F8: variants seen among roughly 807,000 people sequenced by gnomAD.
The protein encoded by F8 is coagulation factor VIII, also known as antihemophilic factor.
A neutral mutation model predicts 140.6 loss-of-function variants in F8; 12 were observed. The ratio of observed to expected loss-of-function variants is 0.09; its 90% confidence interval spans 0.05 to 0.14. The LOEUF is 0.14. F8 is among the 10% of genes least tolerant of loss of function. F8 has a pLI of 1.00. For synonymous variants in F8, 585 were observed against 614.6 expected, an observed-to-expected ratio of 0.95 and a Z score of 0.71; for missense variants, 1,354 against 1,720.7, an observed-to-expected ratio of 0.79 and a Z score of 3.77.
chrX:155,003,900 G>A (rs1327870077), intron 1 of F8, among the ~76,000 whole-genome samples: 1 of 102,847 alleles, frequency 9.7e-6, no homozygotes, highest in Non-Finnish European at 2.0e-5. Flanking sequence ...GGTGGAGCTT[G>A]CAGTGAGCCG....
intron 6 of F8, among the ~76,000 whole-genome samples, chrX:154,974,329 T>G (rs1317262429): frequency 8.9e-6 from 1 of 112,166 alleles, no homozygotes; most frequent in Non-Finnish European, 1.9e-5. Context: ...TATACTTTGT[T>G]GAGAGTTTTT....
Position 154,837,208 on chromosome X carries a change from C to G in F8, c.*389G>C, listed in dbSNP as rs1228966592. On this transcript the variant is annotated 3_prime_UTR_variant, in exon 26 of 26. Transcript: ENST00000360256. ...TTATTTTAAACGTATGAGGCTTAAC[C>G]TGAAATGTTAACATCATAAATATCT... is the stretch of plus-strand genomic sequence containing the variant. The G allele has an allele frequency of 5.0e-6, 1 of 201,645 alleles. No individual in the cohort carries two copies. The highest frequency in any genetic ancestry group is 9.2e-6 in the Non-Finnish European group (1 of 108,806). The allele number at this position is 201,645 out of a possible 1,213,427, so 16.6% of individuals were successfully genotyped here. A position where few individuals can be genotyped will look rare whatever the true frequency, so the allele number is the denominator to read the frequency against.
At chrX:154,861,215 C>T (rs1471889271) in intron 24 of F8, among the ~76,000 whole-genome samples, 4 of 110,896 alleles carry the variant, frequency 3.6e-5, no homozygotes, top group African/African-American at 1.3e-4. Flanking sequence ...GTGATCGGCC[C>T]GCCTCAGCCT....
intron 12 of F8, among the ~76,000 whole-genome samples, chrX:154,948,300 T>C (rs1557280477): frequency 9.0e-6 from 1 of 111,705 alleles, no homozygotes; most frequent in African/African-American, 3.3e-5. Flanking sequence ...ACTAGATCCC[T>C]GTACTTCAAA....
intron 6 of F8, among the ~76,000 whole-genome samples, chrX:154,976,049 C>T (rs781878863): frequency 8.1e-5 from 9 of 111,081 alleles, no homozygotes; most frequent in East Asian, 5.6e-4. Flanking sequence ...GCGCCTGCCA[C>T]CATGCTTGGT....
Position 154,979,021 on chromosome X carries a change from T to TA in F8, c.787+5665_787+5666insT, listed in dbSNP as rs782074832. The stretch of plus-strand genomic sequence containing the variant: ...GTCTTTGGTGTACCATGGTGGCATA[T>TA]GATTGCACTGGTTTTAGGTCCAGGC... On this transcript the variant is annotated intron_variant, in intron 6 of 25. Transcript: ENST00000360256. 1.3e-4 allele frequency among the ~76,000 whole-genome samples: 14 copies of TA among 111,406 alleles called. No individual in the cohort carries two copies. In the East Asian group the frequency reaches 3.1e-3, roughly 25 times the overall value.
At position 154,945,139 on chromosome X, in the gene F8, T is replaced by C. The variant is rs1414876259; in HGVS notation, c.2113+2559A>G. On this transcript the variant is annotated intron_variant, in intron 13 of 25. Coordinates refer to ENST00000360256, the MANE Select transcript of F8 (RefSeq NM_000132.4). ...ACATATGTAACTAACCTGCACATTG[T>C]GCACATGTACCCTAAAACTTAATGT... is the stretch of plus-strand genomic sequence containing the variant. 3.6e-5 allele frequency among the ~76,000 whole-genome samples: 4 copies of C among 110,243 alleles called. No individual in the cohort carries two copies. In the East Asian group the frequency reaches 8.5e-4, roughly 23 times the overall value.
chrX:154,948,052 T>C (rs1221656085), intron 12 of F8, 145 bp from the exon 13 acceptor site: 1 of 528,321 alleles, frequency 1.9e-6, no homozygotes, highest in East Asian at 3.6e-5. Context: ...TCCAAAAAAG[T>C]AGATTGTTAA....
At chrX:155,011,437 C>T (rs868995432) in intron 1 of F8, among the ~76,000 whole-genome samples, 13 of 112,578 alleles carry the variant, frequency 1.2e-4, no homozygotes, top group Middle Eastern at 4.6e-3. Flanking sequence ...AAAATTGGAA[C>T]ACTCATACTT....
chrX:154,915,560 T>TA (rs1279395757), intron 14 of F8, among the ~76,000 whole-genome samples: 7 of 111,824 alleles, frequency 6.3e-5, no homozygotes, highest in Non-Finnish European at 1.1e-4. Flanking sequence ...TGTTCCTAGA[T>TA]ATTTATTTTT....
intron 13 of F8, among the ~76,000 whole-genome samples, chrX:154,932,949 A>G (rs1391055725): frequency 9.0e-6 from 1 of 111,376 alleles, no homozygotes; most frequent in Non-Finnish European, 1.9e-5. Flanking sequence ...TATAAGAAAA[A>G]CAGGGAAACA....
At chrX:154,862,707 G>A (rs1326338524) in intron 23 of F8, among the ~76,000 whole-genome samples, 1 of 112,032 alleles carries the variant, frequency 8.9e-6, no homozygotes, top group Admixed American at 9.5e-5. Context: ...TGCTGAAAAG[G>A]ACATGATCTC....
At chrX:154,966,385 G>A (rs1557281989) in intron 8 of F8, 41 bp downstream of exon 8, 1 of 1,202,280 alleles carries the variant, frequency 8.3e-7, no homozygotes, top group South Asian at 1.8e-5. Flanking sequence ...AACTTTTTGA[G>A]TATGGGGAAG....
At chrX:154,911,761 GTT>G (rs2073069498) in intron 14 of F8, among the ~76,000 whole-genome samples, 1 of 111,714 alleles carries the variant, frequency 9.0e-6, no homozygotes, top group Admixed American at 9.4e-5. Flanking sequence ...TCTATTTTTA[GTT>G]TCTTGAGGAA....
At chrX:155,015,584 T>C (rs2073729969) in intron 1 of F8, among the ~76,000 whole-genome samples, 1 of 112,169 alleles carries the variant, frequency 8.9e-6, no homozygotes, top group African/African-American at 3.2e-5. Flanking sequence ...AAATACCATA[T>C]GTTCTCACTT....
At chrX:154,851,303 T>C (rs782699868) in intron 25 of F8, among the ~76,000 whole-genome samples, 3 of 112,593 alleles carry the variant, frequency 2.7e-5, no homozygotes, top group Non-Finnish European at 3.8e-5. Context: ...TGATGAACAT[T>C]TGAATTGTTT....
intron 14 of F8, chrX:154,909,286 G>T: frequency 7.1e-6 from 1 of 141,062 alleles, no homozygotes. Context: ...AGACTTCCTG[G>T]AGAGGTAGGC....
intron 11 of F8, among the ~76,000 whole-genome samples, chrX:154,956,452 C>T (rs28370210): frequency 2.1e-4 from 23 of 111,864 alleles, no homozygotes; most frequent in South Asian, 7.4e-4. Context: ...TAAAGACAGG[C>T]GTAAGAAATT....
rs782559263 is a variant in F8, at chrX:154,899,914, G to A, written c.6225C>T (p.Ser2075=). 1.2e-5 allele frequency: 15 copies of A among 1,209,753 alleles called. No homozygotes were observed. Among genetic ancestry groups the A allele is most frequent in the East Asian group, 3.0e-5 (1 of 33,759 alleles). The change falls in exon 21 of 26, where the codon TCC becomes TCT. Residue 2075 remains serine, a synonymous_variant. Transcript: ENST00000360256. ...TGGTGCTCCAGGCATTGATTGATCC[G>A]GAATAATGAAGTCTGGCCAGCTTTG... ...WAPKLARLHY[S]GSINAWSTKE... is the part of the protein sequence containing the mutation.
Sources: gnomAD v4.1 joint callset for allele counts (sites outside exome capture counted in the v4.1 genomes callset) on GRCh38, gnomAD v4.1.1 for gene constraint, MANE v1.5 for transcripts, NCBI Gene and HGNC (gene_info 2026-07-23, HGNC 2026-07-21) for gene names.